The following PLD5 variants were observed in gnomAD, a reference collection of about 807,000 sequenced individuals.
The protein encoded by PLD5 is phospholipase D family member 5.
A neutral mutation model predicts 61.1 loss-of-function variants in PLD5; 36 were observed. The ratio of observed to expected loss-of-function variants is 0.59; its 90% CI spans 0.45 to 0.78. The LOEUF is 0.78. Among genes scored for constraint, PLD5 ranks in the 30% least tolerant of loss-of-function variants. The pLI, the probability that PLD5 is intolerant of heterozygous loss-of-function variation, is 0.00. For missense variants in PLD5, 515 were observed against 644.4 expected (o/e 0.80, Z 2.17); for synonymous variants, 243 against 242.8 (o/e 1.00, Z -0.01).
chr1:242,163,219 C>G (rs1193519333), intron 5 of PLD5, among the ~76,000 whole-genome samples: 2 of 150,148 alleles, frequency 1.3e-5, no homozygotes, highest in African/African-American at 4.9e-5. Context: ...TCTCGGCTCA[C>G]TGCAAGCTCC....
Position 242,299,320 on chromosome 1 carries a change from A to G in PLD5, c.327-10790T>C, listed in dbSNP as rs571272175. On this transcript the variant is annotated intron_variant, in intron 2 of 9. Transcript: ENST00000536534. ...TCTTTAAGTAATTATAAAATATACAATTAAGCTATTATTAACTATAGTCAC... is the reference window on the plus strand; with the variant it reads ...TCTTTAAGTAATTATAAAATATACAGTTAAGCTATTATTAACTATAGTCAC... Among the ~76,000 whole-genome samples, 249 of 152,344 alleles carry G rather than the reference A, an allele frequency of 1.6e-3. 2 individuals are homozygous for G. The highest frequency in any genetic ancestry group is 5.9e-3 in the African/African-American group (245 of 41,578).
chr1:242,099,821 C>T (rs1660550758), intron 9 of PLD5, among the ~76,000 whole-genome samples: 1 of 152,170 alleles, frequency 6.6e-6, no homozygotes, highest in Admixed American at 6.5e-5. Flanking sequence ...GAACATGTTT[C>T]TTTCTGCCTT....
intron 1 of PLD5, among the ~76,000 whole-genome samples, chr1:242,492,785 G>C (rs182057560): frequency 4.7e-4 from 72 of 152,260 alleles, no homozygotes; most frequent in African/African-American, 1.6e-3. Context: ...CACACATCCT[G>C]GTTTGCAGAC....
At chr1:242,243,102 T>C (rs1349956484) in intron 4 of PLD5, among the ~76,000 whole-genome samples, 2 of 152,214 alleles carry the variant, frequency 1.3e-5, no homozygotes, top group Non-Finnish European at 2.9e-5. Flanking sequence ...AGGAGGCATC[T>C]GGGGCTGCCA....
Position 242,214,036 on chromosome 1 carries a change from T to C in PLD5, c.735+5952A>G, listed in dbSNP as rs181618095. Among the ~76,000 whole-genome samples, 252 of 152,328 alleles carry C rather than the reference T, an allele frequency of 1.7e-3. 1 individual carries two copies. The highest frequency in any genetic ancestry group is 5.8e-3 in the African/African-American group (240 of 41,572). Reference sequence around the variant, plus strand: ...TTCAAAGCAGTATTGCCAGCATCTATTGATCTGCAAATAGCTCTCTCTGAT... The same window carrying C: ...TTCAAAGCAGTATTGCCAGCATCTACTGATCTGCAAATAGCTCTCTCTGAT... On this transcript the variant is annotated intron_variant, in intron 5 of 9. Transcript: ENST00000536534.
chr1:242,391,787 G>C (rs1262152110), intron 1 of PLD5, among the ~76,000 whole-genome samples: 1 of 152,114 alleles, frequency 6.6e-6, no homozygotes, highest in Non-Finnish European at 1.5e-5. Context: ...AGTTAGGGAG[G>C]AACATGTCTG....
chr1:242,392,866 G>A (rs2810023), intron 1 of PLD5, among the ~76,000 whole-genome samples: 21 of 152,228 alleles, frequency 1.4e-4, no homozygotes, highest in South Asian at 6.2e-4. Flanking sequence ...TCGATTAGAG[G>A]ATTATAATGA....
chr1:242,143,376 G>A (rs1321467614), intron 5 of PLD5, among the ~76,000 whole-genome samples: 1 of 152,110 alleles, frequency 6.6e-6, no homozygotes, highest in Non-Finnish European at 1.5e-5. Context: ...TCTAAGGAGA[G>A]AGTCCATAGA....
chr1:242,215,783 A>C (rs1340221954), intron 5 of PLD5, among the ~76,000 whole-genome samples: 4 of 152,216 alleles, frequency 2.6e-5, no homozygotes, highest in Non-Finnish European at 4.4e-5. Context: ...GCTGAAGAAG[A>C]CAAGTCAGAA....
chr1:242,232,649 C>T lies in PLD5; in HGVS notation c.608-12534G>A, dbSNP rs143647634. ...CTTGAGGTCAGGAGTTCGAGACTAG[C>T]CTGGCCAACATGATGAAACCCCATC... On this transcript the variant is annotated intron_variant, in intron 4 of 9. Transcript: ENST00000536534. Among the ~76,000 whole-genome samples the T allele has an allele frequency of 7.8e-3, 1,185 of 152,072 alleles. 22 individuals carry two copies. The highest frequency in any genetic ancestry group is 0.026 in the African/African-American group (1,097 of 41,462).
intron 2 of PLD5, among the ~76,000 whole-genome samples, chr1:242,322,309 T>C (rs200866543): frequency 6.6e-6 from 1 of 152,186 alleles, no homozygotes; most frequent in Admixed American, 6.5e-5. Flanking sequence ...ATGTCACCAC[T>C]CTTCTTCCAC....
intron 3 of PLD5, among the ~76,000 whole-genome samples, chr1:242,288,135 C>A (rs554687128): frequency 3.3e-5 from 5 of 152,292 alleles, no homozygotes; most frequent in African/African-American, 1.2e-4. Context: ...CGACTGTAGG[C>A]AAAGATGAAA....
intron 1 of PLD5, among the ~76,000 whole-genome samples, chr1:242,442,796 T>C (rs1239536408): frequency 1.3e-5 from 2 of 152,216 alleles, no homozygotes; most frequent in African/African-American, 4.8e-5. Flanking sequence ...AGTATTTAAT[T>C]TTCAGTATCT....
At chr1:242,450,984 G>C (rs537631090) in intron 1 of PLD5, among the ~76,000 whole-genome samples, 1 of 152,256 alleles carries the variant, frequency 6.6e-6, no homozygotes, top group African/African-American at 2.4e-5. Flanking sequence ...ATTGCCTAAC[G>C]TGGATTCTCA....
intron 1 of PLD5, among the ~76,000 whole-genome samples, chr1:242,419,900 G>A (rs904994442): frequency 1.3e-5 from 2 of 152,122 alleles, no homozygotes; most frequent in East Asian, 1.9e-4. Context: ...TTAATCCAAG[G>A]CTGCTAGCTT....
At chr1:242,235,223 T>A (rs1161963510) in intron 4 of PLD5, among the ~76,000 whole-genome samples, 1 of 152,180 alleles carries the variant, frequency 6.6e-6, no homozygotes, top group Non-Finnish European at 1.5e-5. Context: ...TTTGGCCACA[T>A]CCAGAGGCAT....
At chr1:242,162,036 C>T (rs1053328860) in intron 5 of PLD5, among the ~76,000 whole-genome samples, 1 of 151,926 alleles carries the variant, frequency 6.6e-6, no homozygotes, top group Admixed American at 6.5e-5. Context: ...ATTTGGTAGG[C>T]AACAAAATAA....
chr1:242,142,308 A>T (rs2009921), intron 5 of PLD5, among the ~76,000 whole-genome samples: 91,435 of 152,124 alleles, frequency 0.6, 28,232 homozygotes, highest in African/African-American at 0.74. Context: ...AGGATGGTTA[A>T]GAGGTGACTT....
At chr1:242,117,798 T>A (rs974478889) in intron 6 of PLD5, among the ~76,000 whole-genome samples, 3 of 152,204 alleles carry the variant, frequency 2.0e-5, no homozygotes, top group Non-Finnish European at 4.4e-5. Context: ...AGTGTACAGT[T>A]CAGTGGATTT....
Sources: allele counts gnomAD v4.1 joint callset (sites outside exome capture counted in the v4.1 genomes callset), GRCh38; gene constraint gnomAD v4.1.1; transcripts MANE v1.5; gene names NCBI Gene and HGNC (gene_info 2026-07-23, HGNC 2026-07-21).